AATF: variants seen among roughly 807,000 people sequenced by gnomAD.
AATF encodes the protein apoptosis antagonizing transcription factor.
Under a neutral mutation model 63.7 loss-of-function variants are expected in AATF, and 48 were observed. The observed-to-expected ratio is 0.75, with a 90% CI of 0.60 to 0.96. The LOEUF is 0.96. Ranked by LOEUF, AATF falls within the 40% of genes least tolerant of loss-of-function variation. The pLI is 0.00. For missense variants in AATF, 639 were observed against 685.7 expected (o/e 0.93, Z 0.76); for synonymous variants, 258 against 247.7 (o/e 1.04, Z -0.39).
intron 8 of AATF, among the ~76,000 whole-genome samples, chr17:37,010,838 A>G (rs1339841236): frequency 6.6e-6 from 1 of 152,236 alleles, no homozygotes; most frequent in Non-Finnish European, 1.5e-5. Flanking sequence ...TTTCACGTAC[A>G]GAATGAAGCC....
At chr17:36,997,538 C>T (rs1158463980) in intron 8 of AATF, among the ~76,000 whole-genome samples, 1 of 152,184 alleles carries the variant, frequency 6.6e-6, no homozygotes, top group Non-Finnish European at 1.5e-5. Flanking sequence ...CACCTTACTC[C>T]TGCAAGAATG....
chr17:36,956,550 G>A (rs774696841), intron 4 of AATF, among the ~76,000 whole-genome samples: 17 of 152,132 alleles, frequency 1.1e-4, no homozygotes, highest in South Asian at 8.3e-4. Context: ...GCAGGTGCCT[G>A]TAATCTCAGC....
chr17:37,012,240 G>T (rs1016933828), intron 8 of AATF, among the ~76,000 whole-genome samples: 3 of 152,046 alleles, frequency 2.0e-5, no homozygotes, highest in Non-Finnish European at 4.4e-5. Flanking sequence ...ATTTTTACTA[G>T]AGACGGGGTT....
intron 4 of AATF, among the ~76,000 whole-genome samples, chr17:36,957,052 AT>A (rs1001056231): frequency 3.9e-5 from 6 of 152,190 alleles, no homozygotes; most frequent in Admixed American, 3.9e-4. Flanking sequence ...ACTGTGCTGT[AT>A]AGCTGGTGTG....
intron 8 of AATF, among the ~76,000 whole-genome samples, chr17:37,004,833 A>G (rs1055264287): frequency 6.6e-6 from 1 of 152,200 alleles, no homozygotes; most frequent in Non-Finnish European, 1.5e-5. Flanking sequence ...TACTGGTAAT[A>G]TGAAAGTGAG....
rs1398213749 is a variant in AATF at position 36,985,599 on chromosome 17, A to G, written c.833-1018A>G. On this transcript the variant is annotated intron_variant, in intron 4 of 11. Transcript: ENST00000619387. ...TGCTCTGTCGTCCAGGCCAGAGTGC[A>G]GTGGCATGATCTTGACTCACTGCAA... 2.0e-5 allele frequency among the ~76,000 whole-genome samples: 3 copies of G among 151,686 alleles called. No homozygotes were observed. In the East Asian group the frequency reaches 5.8e-4, roughly 30 times the overall value.
intron 4 of AATF, among the ~76,000 whole-genome samples, chr17:36,962,185 C>G (rs1256224872): frequency 1.3e-5 from 2 of 152,168 alleles, no homozygotes; most frequent in Admixed American, 1.3e-4. Flanking sequence ...TACATAATAC[C>G]TGTTAGCACT....
In AATF at chr17:36,986,636, AT is replaced by A. The variant is rs2071170793; in HGVS notation, c.854del (p.Leu285CysfsTer2). On this transcript the variant is annotated frameshift_variant, in exon 5 of 12. Coordinates refer to ENST00000619387, the MANE Select transcript of AATF (RefSeq NM_012138.4). LOFTEE classifies it high-confidence loss of function. Reference protein sequence around the residue: ...LKNSHKALKALLRSLVGLQEE... With the variant: ...LKNSHKALKAXLRSLVGLQEE... ...TCCCAGGTCACAAGGCACTTAAAGC[AT>A]TGTTGAGGTCATTGGTAGGTCTTCA... The A allele has an allele frequency of 6.2e-7, 1 of 1,613,872 alleles. No homozygotes were observed. Among genetic ancestry groups the A allele is most frequent in the Admixed American group, 1.7e-5 (1 of 59,988 alleles).
intron 7 of AATF, among the ~76,000 whole-genome samples, chr17:36,989,852 T>C (rs1269306808): frequency 3.9e-5 from 6 of 152,172 alleles, no homozygotes; most frequent in Non-Finnish European, 1.5e-5. Flanking sequence ...GGAAGAAATA[T>C]ATACTTAATC....
intron 3 of AATF, 152 bp downstream of exon 3, chr17:36,953,448 C>G: frequency 7.3e-7 from 1 of 1,362,484 alleles, no homozygotes; most frequent in East Asian, 2.5e-5. Flanking sequence ...AAGCCCTATT[C>G]CTGTATGCTT....
At chr17:37,023,352 T>G (rs1304908870) in intron 10 of AATF, among the ~76,000 whole-genome samples, 1 of 152,206 alleles carries the variant, frequency 6.6e-6, no homozygotes, top group Admixed American at 6.5e-5. Flanking sequence ...CAACTGCTTT[T>G]TATATTAATG....
At chr17:36,994,026 C>T (rs910774581) in intron 8 of AATF, among the ~76,000 whole-genome samples, 4 of 152,060 alleles carry the variant, frequency 2.6e-5, no homozygotes, top group African/African-American at 9.7e-5. Flanking sequence ...TGTGTGTGTA[C>T]ATACATACAT....
intron 8 of AATF, among the ~76,000 whole-genome samples, chr17:37,017,040 A>G: frequency 6.6e-6 from 1 of 152,214 alleles, no homozygotes; most frequent in East Asian, 1.9e-4. Context: ...TGCTGCACCA[A>G]CTTGGTGTTG....
intron 8 of AATF, among the ~76,000 whole-genome samples, chr17:37,002,903 G>GTTTTT (rs35926577): frequency 8.1e-5 from 8 of 99,188 alleles, no homozygotes; most frequent in Non-Finnish European, 1.2e-4. Context: ...TCCTGTTGCT[G>GTTTTT]TTTTTTTTTT....
chr17:36,988,861 C>G (rs1256823904), intron 6 of AATF, 141 bp downstream of exon 6: 10 of 848,124 alleles, frequency 1.2e-5, no homozygotes, highest in Non-Finnish European at 1.3e-5. Flanking sequence ...GCAAAATCTA[C>G]TGAACTTCTG....
chr17:37,017,532 A>G (rs563037214), intron 8 of AATF, among the ~76,000 whole-genome samples: 1 of 152,262 alleles, frequency 6.6e-6, no homozygotes, highest in East Asian at 1.9e-4. Context: ...GACTGTGATG[A>G]AGTAGGAGAG....
rs141695048 is a variant in AATF at position 37,047,198 on chromosome 17, T to G, written c.1620-9403T>G. Among the ~76,000 whole-genome samples the G allele has an allele frequency of 2.0e-3, 304 of 152,248 alleles. 2 individuals carry two copies. Among genetic ancestry groups the G allele is most frequent in the Middle Eastern group, 6.8e-3 (2 of 294 alleles). On this transcript the variant is annotated intron_variant, in intron 11 of 11. Coordinates refer to ENST00000619387, the MANE Select transcript of AATF (RefSeq NM_012138.4). ...AATCTGTTATAAAACAGTCAAACTG[T>G]GAAAGTGGACATCATCCCGGGAATA...
At chr17:37,008,441 G>C (rs996091267) in intron 8 of AATF, among the ~76,000 whole-genome samples, 7 of 152,210 alleles carry the variant, frequency 4.6e-5, no homozygotes, top group Non-Finnish European at 1.0e-4. Context: ...AGATTGAACT[G>C]TGCAGTACAC....
rs1381137784 is a variant in AATF at position 37,008,536 on chromosome 17, C to G, written c.1399-10469C>G. ...AAACCTGTAACTGGTATTTGACAAG[C>G]CTATTTCATAGATAAAAGATATTTA... On this transcript the variant is annotated intron_variant, in intron 8 of 11. Coordinates refer to ENST00000619387, the MANE Select transcript of AATF (RefSeq NM_012138.4). 3.9e-5 allele frequency among the ~76,000 whole-genome samples: 6 copies of G among 152,114 alleles called. No individual in the cohort carries two copies. The South Asian group carries it at 1.2e-3, about 32-fold the overall frequency.
Sources: allele counts gnomAD v4.1 joint callset (sites outside exome capture counted in the v4.1 genomes callset), GRCh38; gene constraint gnomAD v4.1.1; transcripts MANE v1.5; gene names NCBI Gene and HGNC (gene_info 2026-07-23, HGNC 2026-07-21).